The following NKAIN2 variants were observed in gnomAD, a reference collection of about 807,000 sequenced individuals.
NKAIN2 encodes the protein sodium/potassium-transporting ATPase subunit beta-1-interacting protein 2.
In NKAIN2, 14 loss-of-function variants were observed where a neutral mutation model predicts 32.6. The ratio of observed to expected loss-of-function variants is 0.43; its 90% confidence interval spans 0.28 to 0.67. The LOEUF (loss-of-function observed/expected upper bound fraction) is 0.67, where lower values mean the gene tolerates loss of function less well. Ranked by LOEUF, NKAIN2 falls within the 30% of genes least tolerant of loss-of-function variation. NKAIN2 has a pLI of 0.17. For missense variants in NKAIN2, 198 were observed against 258.3 expected, an observed-to-expected ratio of 0.77 and a Z score of 1.60; for synonymous variants, 80 against 87.2, an observed-to-expected ratio of 0.92 and a Z score of 0.46.
intron 1 of NKAIN2, among the ~76,000 whole-genome samples, chr6:124,264,930 G>T (rs1794421847): frequency 6.6e-6 from 1 of 152,048 alleles, no homozygotes; most frequent in South Asian, 2.1e-4. Context: ...ATTTACAATT[G>T]ATATCTCATA....
intron 1 of NKAIN2, among the ~76,000 whole-genome samples, chr6:124,199,559 G>GA (rs1242714732): frequency 6.6e-6 from 1 of 152,128 alleles, no homozygotes; most frequent in East Asian, 1.9e-4. Flanking sequence ...AGGCTGTCTG[G>GA]AAAAATTACA....
At chr6:124,123,550 C>T (rs1328339025) in intron 1 of NKAIN2, among the ~76,000 whole-genome samples, 1 of 151,942 alleles carries the variant, frequency 6.6e-6, no homozygotes, top group Non-Finnish European at 1.5e-5. Flanking sequence ...ATTTGTTGCG[C>T]ATTCATAGCA....
chr6:123,975,863 A>T (rs1003607079), intron 1 of NKAIN2, among the ~76,000 whole-genome samples: 2 of 152,090 alleles, frequency 1.3e-5, no homozygotes, highest in Non-Finnish European at 2.9e-5. Flanking sequence ...TGATATGGTT[A>T]GGCTGTATCC....
chr6:124,516,173 A>C (rs1441640057), intron 3 of NKAIN2, among the ~76,000 whole-genome samples: 1 of 152,194 alleles, frequency 6.6e-6, no homozygotes, highest in Non-Finnish European at 1.5e-5. Flanking sequence ...ATAGTGTTCT[A>C]GAAAATAGAG....
At chr6:124,285,514 T>C (rs1300489836) in intron 2 of NKAIN2, among the ~76,000 whole-genome samples, 3 of 152,108 alleles carry the variant, frequency 2.0e-5, no homozygotes, top group African/African-American at 7.2e-5. Flanking sequence ...AAAAACAATT[T>C]CCTCTCTCCA....
intron 1 of NKAIN2, among the ~76,000 whole-genome samples, chr6:123,966,026 C>G (rs796373624): frequency 6.6e-6 from 1 of 152,140 alleles, no homozygotes; most frequent in Admixed American, 6.5e-5. Context: ...TAAGATCAAC[C>G]CTTCTAAATC....
At chr6:124,724,194 C>T (rs943606279) in intron 4 of NKAIN2, among the ~76,000 whole-genome samples, 1 of 152,034 alleles carries the variant, frequency 6.6e-6, no homozygotes, top group African/African-American at 2.4e-5. Context: ...GGTTTAAATA[C>T]TAAGCCCCTA....
rs190948038 is a variant in NKAIN2, at chr6:124,642,846, A to G, written c.274-15340A>G. 6.7e-3 allele frequency among the ~76,000 whole-genome samples: 1,018 copies of G among 152,286 alleles called. 2 individuals carry two copies. Among genetic ancestry groups the G allele is most frequent in the Non-Finnish European group, 0.012 (786 of 67,984 alleles). On this transcript the variant is annotated intron_variant, in intron 3 of 6. Transcript: ENST00000368417. ...TTCCTCTAATGTCATCAACATAAAT[A>G]TGTTTTAAGGTAAGGAGAATGCTGA...
At chr6:124,168,671 A>G in intron 1 of NKAIN2, among the ~76,000 whole-genome samples, 1 of 152,184 alleles carries the variant, frequency 6.6e-6, no homozygotes, top group East Asian at 1.9e-4. Context: ...ACACTTAATA[A>G]ATATTTAGGT....
At chr6:124,607,703 T>G (rs1782549872) in intron 3 of NKAIN2, among the ~76,000 whole-genome samples, 1 of 152,100 alleles carries the variant, frequency 6.6e-6, no homozygotes. Context: ...TATATGAATA[T>G]ATATGCATAT....
intron 3 of NKAIN2, among the ~76,000 whole-genome samples, chr6:124,621,509 C>T (rs1347484643): frequency 1.3e-5 from 2 of 152,154 alleles, no homozygotes; most frequent in African/African-American, 2.4e-5. Flanking sequence ...CCAGACCCTA[C>T]ATTCTCCTCA....
chr6:124,279,188 G>A (rs1339802554), intron 1 of NKAIN2, among the ~76,000 whole-genome samples: 2 of 152,242 alleles, frequency 1.3e-5, no homozygotes, highest in African/African-American at 2.4e-5. Flanking sequence ...GAAAGTTAAT[G>A]TGACTGGATG....
At chr6:124,411,566 G>C (rs1313084761) in intron 3 of NKAIN2, among the ~76,000 whole-genome samples, 1 of 152,220 alleles carries the variant, frequency 6.6e-6, no homozygotes, top group East Asian at 1.9e-4. Context: ...TAGTCTGATG[G>C]GCTTCCTTTT....
intron 4 of NKAIN2, among the ~76,000 whole-genome samples, chr6:124,718,196 C>T (rs554498345): frequency 1.3e-5 from 2 of 152,196 alleles, no homozygotes; most frequent in South Asian, 2.1e-4. Context: ...ATTTTTATTA[C>T]TCTAAAGAGA....
chr6:124,393,652 G>A (rs904376269), intron 3 of NKAIN2, among the ~76,000 whole-genome samples: 9 of 152,070 alleles, frequency 5.9e-5, no homozygotes, highest in African/African-American at 1.9e-4. Flanking sequence ...AGATGGTGAG[G>A]AGCCGAGTCT....
rs150601257 is a variant in NKAIN2 at position 124,214,447 on chromosome 6, C to G, written c.55-68558C>G. 3.0e-3 allele frequency among the ~76,000 whole-genome samples: 454 copies of G among 152,182 alleles called. 3 individuals are homozygous for G. The highest frequency in any genetic ancestry group is 0.01 in the African/African-American group (436 of 41,536). On this transcript the variant is annotated intron_variant, in intron 1 of 6. Transcript: ENST00000368417. ...AATGAACTTGCAAAATTCCTGAAAA[C>G]TTACAAGGGTCAAAACTTGTGGCGG...
chr6:123,972,229 G>T (rs1050443369), intron 1 of NKAIN2, among the ~76,000 whole-genome samples: 2 of 152,122 alleles, frequency 1.3e-5, no homozygotes, highest in East Asian at 1.9e-4. Flanking sequence ...TCAACAGTAG[G>T]TTATTAGTAG....
chr6:123,880,739 C>G (rs151031030), intron 1 of NKAIN2, among the ~76,000 whole-genome samples: 1,863 of 152,142 alleles, frequency 0.012, 36 homozygotes, highest in African/African-American at 0.043. Flanking sequence ...TTGATTGAGT[C>G]ACTTTGGTGT....
chr6:124,139,379 C>T (rs1186662216), intron 1 of NKAIN2, among the ~76,000 whole-genome samples: 10 of 151,720 alleles, frequency 6.6e-5, no homozygotes, highest in African/African-American at 1.9e-4. Context: ...TGAGCCACCG[C>T]GCCCGGCCTA....
Sources: gnomAD v4.1 joint callset for allele counts (sites outside exome capture counted in the v4.1 genomes callset) on GRCh38, gnomAD v4.1.1 for gene constraint, MANE v1.5 for transcripts, NCBI Gene and HGNC (gene_info 2026-07-23, HGNC 2026-07-21) for gene names.